The following KCNN4 variants were observed in gnomAD, a reference collection of about 807,000 sequenced individuals.
KCNN4 encodes intermediate conductance calcium-activated potassium channel protein 4.
A neutral mutation model predicts 45.2 loss-of-function variants in KCNN4; 31 were observed. The ratio of observed to expected loss-of-function variants is 0.69; its 90% confidence interval spans 0.52 to 0.92. The LOEUF is 0.92. Among genes scored for constraint, KCNN4 ranks in the 40% least tolerant of loss-of-function variants. The pLI is 0.00. For synonymous variants in KCNN4, 231 were observed against 254.6 expected (o/e 0.91, Z 0.88); for missense variants, 463 against 574.0 (o/e 0.81, Z 1.98).
At chr19:43,776,861 G>C in intron 1 of KCNN4, 1 of 484,544 alleles carries the variant, frequency 2.1e-6, no homozygotes, top group East Asian at 3.4e-5. Context: ...ACTCTGGGAG[G>C]CTGAGGCAGG....
intron 3 of KCNN4, among the ~76,000 whole-genome samples, chr19:43,773,169 CATCCGTA>C (rs1969690649): frequency 1.3e-5 from 2 of 152,220 alleles, no homozygotes; most frequent in African/African-American, 4.8e-5. Flanking sequence ...TGGTGGTGCA[CATCCGTA>C]ATCCCAGCCA....
At position 43,769,836 on chromosome 19, in the gene KCNN4, G is replaced by A; in HGVS notation, c.820-7C>T. ...GGGCTGTGCAGCAGACACCCTGTGG[G>A]CACAGCAGGCACCGTGGCATGAGGC... is the stretch of plus-strand genomic sequence containing the variant. On this transcript the variant is annotated splice_polypyrimidine_tract_variant and splice_region_variant and intron_variant, in intron 4 of 8. Coordinates refer to ENST00000648319, the MANE Select transcript of KCNN4 (RefSeq NM_002250.3). The surrounding 1 kb of genome is among the most constrained non-coding windows in gnomAD (Gnocchi z 4.4). The A allele has an allele frequency of 6.3e-7, 1 of 1,599,470 alleles. No individual in the cohort carries two copies. Among genetic ancestry groups the A allele is most frequent in the Non-Finnish European group, 8.5e-7 (1 of 1,171,970 alleles).
Position 43,780,879 on chromosome 19 carries a change from G to T in KCNN4, c.-18C>A, listed in dbSNP as rs1014538993. 1 of 1,612,518 alleles carries T rather than the reference G, an allele frequency of 6.2e-7. No individual in the cohort carries two copies. Among genetic ancestry groups the T allele is most frequent in the South Asian group, 1.1e-5 (1 of 91,024 alleles). ...CCGCCCATGGCCCCCGGGGTCTTGG[G>T]GCTCAGCCAGCTTCCTGCCCAGGGT... is the stretch of plus-strand genomic sequence containing the variant. On this transcript the variant is annotated 5_prime_UTR_variant, in exon 1 of 9. Transcript: ENST00000648319.
In KCNN4 at chr19:43,769,137, A is replaced by C; in HGVS notation, c.1050-105T>G. The C allele has an allele frequency of 7.9e-7, 1 of 1,273,208 alleles. No homozygotes were observed. The highest frequency in any genetic ancestry group is 1.1e-6 in the Non-Finnish European group (1 of 873,202). 78.9% of individuals were successfully genotyped at this position (1,273,208 alleles called of 1,614,324 possible). On this transcript the variant is annotated intron_variant, in intron 6 of 8. Coordinates refer to ENST00000648319, the MANE Select transcript of KCNN4 (RefSeq NM_002250.3). The surrounding 1 kb of genome is among the most constrained non-coding windows in gnomAD (Gnocchi z 4.4). ...GAGAGGCACATGAAGAAACAAAACA[A>C]AGAAACAAAGTTGTCGAAGAGCTGA...
intron 1 of KCNN4, among the ~76,000 whole-genome samples, chr19:43,780,094 C>T (rs1422004717): frequency 6.6e-6 from 1 of 152,020 alleles, no homozygotes; most frequent in Non-Finnish European, 1.5e-5. Context: ...GTCTTTCCTC[C>T]ACTCTCCCTT....
chr19:43,767,655 G>A lies in KCNN4; in HGVS notation c.1172C>T (p.Ala391Val), dbSNP rs745480619. ...CAGCGTGTCAATCTGTTTCTCCAGG[G>A]CCCGGTGTGAGCTGCTCAGATTCTG... ...LQQNLSSSHR[A>V]LEKQIDTLAG... is the part of the protein sequence containing the mutation. Residue 391 changes from alanine to valine, a missense_variant, in exon 8 of 9, where the codon GCC becomes GTC. This residue lies in a region of KCNN4 where 129 missense variants were observed against 149.4 expected (regional missense o/e 0.86). Coordinates refer to ENST00000648319, the MANE Select transcript of KCNN4 (RefSeq NM_002250.3). 13 of 1,614,144 alleles carry A rather than the reference G, an allele frequency of 8.1e-6. No individual in the cohort carries two copies. The highest frequency in any genetic ancestry group is 1.1e-5 in the Non-Finnish European group (13 of 1,180,026).
Position 43,774,677 on chromosome 19 carries a change from G to A in KCNN4, c.256-58C>T. 2 of 1,406,624 alleles carry A rather than the reference G, an allele frequency of 1.4e-6. No homozygotes were observed. Among genetic ancestry groups the A allele is most frequent in the Non-Finnish European group, 1.9e-6 (2 of 1,080,062 alleles). The allele number at this position is 1,406,624 out of a possible 1,614,324, so 87.1% of individuals were successfully genotyped here. On this transcript the variant is annotated intron_variant, in intron 2 of 8. Coordinates refer to ENST00000648319, the MANE Select transcript of KCNN4 (RefSeq NM_002250.3). The surrounding 1 kb of genome is among the most constrained non-coding windows in gnomAD (Gnocchi z 5.6). Reference sequence around the variant, plus strand: ...GGAGCAGGTCAGGCGCAGGTCAGGCGGCGGCCCGCGCCTGCCTGCGCCCTG... The same window carrying A: ...GGAGCAGGTCAGGCGCAGGTCAGGCAGCGGCCCGCGCCTGCCTGCGCCCTG...
chr19:43,769,210 A>C lies in KCNN4; in HGVS notation c.1050-178T>G, dbSNP rs1969565578. 1.4e-6 allele frequency: 1 copy of C among 724,466 alleles called. No homozygotes were observed. Among genetic ancestry groups the C allele is most frequent in the Non-Finnish European group, 2.4e-6 (1 of 425,502 alleles). 44.9% of individuals were successfully genotyped at this position (724,466 alleles called of 1,614,324 possible). On this transcript the variant is annotated intron_variant, in intron 6 of 8. Coordinates refer to ENST00000648319, the MANE Select transcript of KCNN4 (RefSeq NM_002250.3). The surrounding 1 kb of genome is among the most constrained non-coding windows in gnomAD (Gnocchi z 4.4). ...TGCCTCCCCACGAGCCCCCATCCCC[A>C]GTAGAAACCCAGGTACCCAGGTCCG...
chr19:43,769,348 T>C lies in KCNN4; in HGVS notation c.1049+94A>G. On this transcript the variant is annotated intron_variant, in intron 6 of 8. Coordinates refer to ENST00000648319, the MANE Select transcript of KCNN4 (RefSeq NM_002250.3). The surrounding 1 kb of genome is among the most constrained non-coding windows in gnomAD (Gnocchi z 4.4). ...GAGACCACACCTGGGTGTCCTGACCTGGACAGGCATGGACATGCACACACA... is the reference window on the plus strand; with the variant it reads ...GAGACCACACCTGGGTGTCCTGACCCGGACAGGCATGGACATGCACACACA... 9.9e-7 allele frequency: 1 copy of C among 1,005,532 alleles called. No homozygotes were observed. Among genetic ancestry groups the C allele is most frequent in the Admixed American group, 1.7e-5 (1 of 57,444 alleles). The allele number at this position is 1,005,532 out of a possible 1,614,324, so 62.3% of individuals were successfully genotyped here.
Position 43,774,838 on chromosome 19 carries a change from T to G in KCNN4, c.256-219A>C, listed in dbSNP as rs1273885126. Among the ~76,000 whole-genome samples, 22 of 152,122 alleles carry G rather than the reference T, an allele frequency of 1.4e-4. No homozygotes were observed. Among genetic ancestry groups the G allele is most frequent in the Admixed American group, 1.4e-3 (22 of 15,284 alleles). The stretch of plus-strand genomic sequence containing the variant: ...TTCCCCACCACCCACCCCACTAGTT[T>G]CAGCCCACTTCCAGCCTTTGAACAC... On this transcript the variant is annotated intron_variant, in intron 2 of 8. Transcript: ENST00000648319. This position sits in a 1 kb window ranked among gnomAD's most constrained non-coding sequence, Gnocchi z 5.6.
Position 43,769,223 on chromosome 19 carries a change from G to A in KCNN4, c.1050-191C>T, listed in dbSNP as rs901212414. ...GCCCCCATCCCCAGTAGAAACCCAG[G>A]TACCCAGGTCCGCAGACACACCGAG... On this transcript the variant is annotated intron_variant, in intron 6 of 8. Transcript: ENST00000648319. The surrounding 1 kb of genome is among the most constrained non-coding windows in gnomAD (Gnocchi z 4.4). The A allele has an allele frequency of 5.8e-6, 4 of 690,136 alleles. No homozygotes were observed. In the East Asian group the frequency reaches 1.1e-4, roughly 19 times the overall value. 42.8% of individuals were successfully genotyped at this position (690,136 alleles called of 1,614,324 possible).
In KCNN4 at chr19:43,769,465, G is replaced by A; in HGVS notation, c.1026C>T (p.Arg342=). 6.2e-7 allele frequency: 1 copy of A among 1,614,204 alleles called. No individual in the cohort carries two copies. The highest frequency in any genetic ancestry group is 8.5e-7 in the Non-Finnish European group (1 of 1,180,026). ...ACGCGTTGATGGCGGCCAGCAGCTT[G>A]CGCTGATGCCTGCGGGCAGCATGAG... is the stretch of plus-strand genomic sequence containing the variant. ...KESHAARRHQ[R]KLLAAINAFR... is the part of the protein sequence containing the mutation. Residue 342 remains arginine (R), a synonymous_variant, in exon 6 of 9, where the codon CGC becomes CGT. Coordinates refer to ENST00000648319, the MANE Select transcript of KCNN4 (RefSeq NM_002250.3). The surrounding 1 kb of genome is among the most constrained non-coding windows in gnomAD (Gnocchi z 4.4).
At position 43,772,263 on chromosome 19, in the gene KCNN4, C is replaced by A; in HGVS notation, c.684-128G>T. ...CTCCCTTCCCCTCCCAGTATACACC[C>A]ATAGTCCTAAGAATCACCTGGACAA... On this transcript the variant is annotated intron_variant, in intron 3 of 8. Coordinates refer to ENST00000648319, the MANE Select transcript of KCNN4 (RefSeq NM_002250.3). This position sits in a 1 kb window ranked among gnomAD's most constrained non-coding sequence, Gnocchi z 4.4. 1 of 999,058 alleles carries A rather than the reference C, an allele frequency of 1.0e-6. No homozygotes were observed. Among genetic ancestry groups the A allele is most frequent in the African/African-American group, 1.7e-5 (1 of 60,362 alleles). 61.9% of individuals were successfully genotyped at this position (999,058 alleles called of 1,614,324 possible).
intron 8 of KCNN4, 169 bp from the exon 9 acceptor site, chr19:43,767,258 A>G (rs1355922098): frequency 5.0e-6 from 2 of 396,564 alleles, no homozygotes; most frequent in South Asian, 4.0e-5. Flanking sequence ...GAGACATTGG[A>G]TGGACAGCCA....
chr19:43,772,802 G>C lies in KCNN4; in HGVS notation c.684-667C>G, dbSNP rs1388519727. ...ACCCACCGGGTTGGAGTTTCTAGGA[G>C]CGAAGATGGAATCTGTACTGTTCAC... On this transcript the variant is annotated intron_variant, in intron 3 of 8. Transcript: ENST00000648319. This position sits in a 1 kb window ranked among gnomAD's most constrained non-coding sequence, Gnocchi z 4.4. 6.6e-6 allele frequency among the ~76,000 whole-genome samples: 1 copy of C among 152,206 alleles called. No individual in the cohort carries two copies. The highest frequency in any genetic ancestry group is 1.9e-4 in the East Asian group (1 of 5,202).
At chr19:43,767,186 T>G (rs1969501869) in intron 8 of KCNN4, 97 bp from the exon 9 acceptor site, 2 of 241,408 alleles carry the variant, frequency 8.3e-6, no homozygotes, top group African/African-American at 2.2e-5. Flanking sequence ...TGGGCAGAAG[T>G]GGGAGACAGG....
Position 43,769,527 on chromosome 19 carries a change from C to A in KCNN4, c.964G>T (p.Ala322Ser). 6.2e-7 allele frequency: 1 copy of A among 1,614,198 alleles called. No homozygotes were observed. Among genetic ancestry groups the A allele is most frequent in the Non-Finnish European group, 8.5e-7 (1 of 1,180,042 alleles). ...KESAARVLQE[A>S]WMFYKHTRRK... ...CGAGTATGTTTGTAGAACATCCAGG[C>A]TTCTTGTAGCACTCGGGCAGCGGAC... Residue 322 changes from alanine to serine, a missense_variant, in exon 6 of 9, where the codon GCC (alanine) becomes TCC (serine). Coordinates refer to ENST00000648319, the MANE Select transcript of KCNN4 (RefSeq NM_002250.3). This position sits in a 1 kb window ranked among gnomAD's most constrained non-coding sequence, Gnocchi z 4.4.
intron 2 of KCNN4, among the ~76,000 whole-genome samples, chr19:43,775,375 C>T (rs1044989816): frequency 2.0e-5 from 3 of 152,102 alleles, no homozygotes; most frequent in Non-Finnish European, 2.9e-5. Context: ...TACTGGGCAC[C>T]GTGGATACGC....
rs200586786 is a variant in KCNN4 at position 43,772,042 on chromosome 19, G to A, written c.777C>T (p.Gly259=). The change falls in exon 4 of 9, where the codon GGC becomes GGT. Residue 259 remains glycine, a synonymous_variant. Transcript: ENST00000648319. The surrounding 1 kb of genome is among the most constrained non-coding windows in gnomAD (Gnocchi z 4.4). ...LTIGYGDVVP[G]TMWGKIVCLC... ...GGCAGACGATCTTGCCCCACATGGT[G>A]CCCGGCACCACGTCACCATAGCCGA... 7 of 1,613,542 alleles carry A rather than the reference G, an allele frequency of 4.3e-6. No homozygotes were observed. The highest frequency in any genetic ancestry group is 5.1e-6 in the Non-Finnish European group (6 of 1,179,780).
Sources: allele counts gnomAD v4.1 joint callset (sites outside exome capture counted in the v4.1 genomes callset), GRCh38; gene constraint gnomAD v4.1.1; regional missense constraint gnomAD v4.1.1; non-coding constraint Gnocchi (gnomAD v3.1); transcripts MANE v1.5; gene names NCBI Gene and HGNC (gene_info 2026-07-23, HGNC 2026-07-21).